KCNIP4: variants seen among roughly 807,000 people sequenced by gnomAD.
KCNIP4 encodes the protein Kv channel-interacting protein 4.
A neutral mutation model predicts 34.0 loss-of-function variants in KCNIP4; 12 were observed. The ratio of observed to expected loss-of-function variants is 0.35; its 90% confidence interval spans 0.23 to 0.57. The LOEUF (loss-of-function observed/expected upper bound fraction) is 0.57. Ranked by LOEUF, KCNIP4 falls within the 20% of genes least tolerant of loss-of-function variation. The probability of loss-of-function intolerance (pLI) is 0.83; values close to 1 mark genes in which losing one functional copy is unlikely to be tolerated. For synonymous variants in KCNIP4, 124 were observed against 102.2 expected (o/e 1.21, Z -1.29); for missense variants, 238 against 311.7 (o/e 0.76, Z 1.78).
At chr4:21,478,823 T>C (rs942659513) in intron 1 of KCNIP4, among the ~76,000 whole-genome samples, 2 of 152,172 alleles carry the variant, frequency 1.3e-5, no homozygotes, top group African/African-American at 4.8e-5. Flanking sequence ...GGAGAGCATT[T>C]TACTAGTATG....
chr4:20,970,440 C>T (rs776341791), intron 1 of KCNIP4, among the ~76,000 whole-genome samples: 9 of 152,018 alleles, frequency 5.9e-5, no homozygotes, highest in East Asian at 3.8e-4. Context: ...TTTATGAATG[C>T]GTGTATATAT....
At chr4:21,317,410 GA>G (rs953827474) in intron 1 of KCNIP4, among the ~76,000 whole-genome samples, 1 of 151,582 alleles carries the variant, frequency 6.6e-6, no homozygotes, top group Non-Finnish European at 1.5e-5. Flanking sequence ...CTTATTTTGA[GA>G]AAAAAAGGTA....
chr4:21,133,063 C>A (rs549138730), intron 1 of KCNIP4, among the ~76,000 whole-genome samples: 2 of 151,816 alleles, frequency 1.3e-5, no homozygotes, highest in Non-Finnish European at 2.9e-5. Context: ...AAAATAATCC[C>A]TTTTAGGGAA....
chr4:21,426,233 G>A (rs1725920161), intron 1 of KCNIP4, among the ~76,000 whole-genome samples: 1 of 152,130 alleles, frequency 6.6e-6, no homozygotes, highest in Non-Finnish European at 1.5e-5. Context: ...TCCACCAAAA[G>A]CAAAGGCATA....
intron 1 of KCNIP4, among the ~76,000 whole-genome samples, chr4:21,714,142 T>A (rs930515846): frequency 2.0e-5 from 3 of 152,168 alleles, no homozygotes; most frequent in Admixed American, 6.6e-5. Context: ...ACCTTTGAGA[T>A]GGTAGTCCCC....
intron 1 of KCNIP4, among the ~76,000 whole-genome samples, chr4:21,173,164 G>A (rs1010541858): frequency 1.1e-4 from 17 of 152,082 alleles, no homozygotes; most frequent in Admixed American, 6.6e-5. Context: ...AACTGCAAGG[G>A]AAGCTGAAAA....
chr4:21,120,428 GT>G (rs1750054649), intron 1 of KCNIP4, among the ~76,000 whole-genome samples: 1 of 152,138 alleles, frequency 6.6e-6, no homozygotes, highest in Non-Finnish European at 1.5e-5. Context: ...GTATTAGTCT[GT>G]TCTCACACTG....
intron 1 of KCNIP4, among the ~76,000 whole-genome samples, chr4:21,511,515 C>T (rs963739333): frequency 6.6e-6 from 1 of 152,086 alleles, no homozygotes; most frequent in Non-Finnish European, 1.5e-5. Flanking sequence ...TTGGAAAGAT[C>T]TCCATCTTTC....
At chr4:21,066,525 C>G (rs377615231) in intron 1 of KCNIP4, among the ~76,000 whole-genome samples, 8 of 144,698 alleles carry the variant, frequency 5.5e-5, no homozygotes, top group African/African-American at 2.0e-4. Flanking sequence ...TCCCCCGCAT[C>G]CCCCTCATCC....
At chr4:21,715,695 T>G (rs892069745) in intron 1 of KCNIP4, among the ~76,000 whole-genome samples, 1 of 152,126 alleles carries the variant, frequency 6.6e-6, no homozygotes, top group African/African-American at 2.4e-5. Flanking sequence ...AATAGAAAAA[T>G]TATATCTGCT....
At chr4:20,993,862 G>T (rs763655105) in intron 1 of KCNIP4, among the ~76,000 whole-genome samples, 2 of 152,194 alleles carry the variant, frequency 1.3e-5, no homozygotes, top group Non-Finnish European at 2.9e-5. Context: ...GCAGGACCAC[G>T]TTCCTATTGG....
chr4:21,764,075 A>T (rs907112158), intron 1 of KCNIP4, among the ~76,000 whole-genome samples: 1 of 152,212 alleles, frequency 6.6e-6, no homozygotes, highest in Non-Finnish European at 1.5e-5. Flanking sequence ...GAAGGAAAGC[A>T]GTAAGAAGAA....
At chr4:20,769,111 C>T (rs1755657190) in intron 3 of KCNIP4, among the ~76,000 whole-genome samples, 1 of 148,866 alleles carries the variant, frequency 6.7e-6, no homozygotes, top group Admixed American at 6.7e-5. Flanking sequence ...TTCAGCTCTA[C>T]TACTAATGAA....
chr4:20,874,629 A>C (rs1290138971), intron 2 of KCNIP4, among the ~76,000 whole-genome samples: 1 of 151,608 alleles, frequency 6.6e-6, no homozygotes, highest in African/African-American at 2.4e-5. Context: ...AAAAACCCGC[A>C]ATTTTCCTTT....
At chr4:21,907,119 G>A (rs926208992) in intron 1 of KCNIP4, among the ~76,000 whole-genome samples, 3 of 152,140 alleles carry the variant, frequency 2.0e-5, no homozygotes, top group African/African-American at 7.2e-5. Flanking sequence ...TGGAAATGGG[G>A]TTCTTGGAGT....
At chr4:21,605,211 C>T (rs866490347) in intron 1 of KCNIP4, among the ~76,000 whole-genome samples, 4 of 152,168 alleles carry the variant, frequency 2.6e-5, no homozygotes, top group African/African-American at 7.2e-5. Flanking sequence ...TTGCTGTAGA[C>T]GCTGTCAGAA....
At chr4:21,370,844 TATATATACACACACAC>T (rs1488799121) in intron 1 of KCNIP4, among the ~76,000 whole-genome samples, 8 of 25,908 alleles carry the variant, frequency 3.1e-4, no homozygotes, top group South Asian at 5.1e-3. Flanking sequence ...TATATATATA[TATATATACACACACAC>T]ACACACACAC....
chr4:21,579,050 C>T (rs73252260), intron 1 of KCNIP4, among the ~76,000 whole-genome samples: 3 of 152,018 alleles, frequency 2.0e-5, no homozygotes, highest in Admixed American at 1.3e-4. Context: ...ACTTAAAGAA[C>T]CTGACATTGG....
chr4:21,444,154 G>C (rs1265641045), intron 1 of KCNIP4, among the ~76,000 whole-genome samples: 3 of 152,092 alleles, frequency 2.0e-5, no homozygotes, highest in Non-Finnish European at 4.4e-5. Context: ...ACCAAAAAAA[G>C]TCCAGGACCA....
Sources: allele counts gnomAD v4.1 joint callset (sites outside exome capture counted in the v4.1 genomes callset), GRCh38; gene constraint gnomAD v4.1.1; transcripts MANE v1.5; gene names NCBI Gene and HGNC (gene_info 2026-07-23, HGNC 2026-07-21).